MMD: variants seen among roughly 807,000 people sequenced by gnomAD.
MMD encodes monocyte to macrophage differentiation associated, also known as monocyte to macrophage differentiation factor.
Under a neutral mutation model 33.6 loss-of-function variants are expected in MMD, and 22 were observed. That is an observed-to-expected ratio of 0.66 (90% CI 0.47 to 0.94). The LOEUF is 0.94. Ranked by LOEUF, MMD falls within the 40% of genes least tolerant of loss-of-function variation. MMD has a pLI of 0.00. For missense variants in MMD, 242 were observed against 309.8 expected, an observed-to-expected ratio of 0.78 and a Z score of 1.64; for synonymous variants, 97 against 103.2, an observed-to-expected ratio of 0.94 and a Z score of 0.36.
At chr17:55,399,103 A>G (rs1426762348) in intron 6 of MMD, among the ~76,000 whole-genome samples, 1 of 152,076 alleles carries the variant, frequency 6.6e-6, no homozygotes, top group Non-Finnish European at 1.5e-5. Context: ...TCCTCCACCC[A>G]GGCTGCTGTT....
At chr17:55,398,801 G>A (rs1384557060) in intron 6 of MMD, among the ~76,000 whole-genome samples, 2 of 152,162 alleles carry the variant, frequency 1.3e-5, no homozygotes, top group African/African-American at 2.4e-5. Flanking sequence ...GGTCAGCTGA[G>A]TGCCTGGGAT....
chr17:55,413,195 T>C (rs115751798), intron 2 of MMD, among the ~76,000 whole-genome samples: 2,183 of 152,310 alleles, frequency 0.014, 53 homozygotes, highest in African/African-American at 0.05. Context: ...TGAACCATTG[T>C]ATTGTACCAA....
chr17:55,395,705 T>C (rs572652774), intron 6 of MMD, among the ~76,000 whole-genome samples: 1 of 152,332 alleles, frequency 6.6e-6, no homozygotes, highest in Non-Finnish European at 1.5e-5. Flanking sequence ...TGGACTGACA[T>C]TGGATTTCTT....
rs1907235823 is a variant in MMD, at chr17:55,399,227, TAC to T, written c.516+2240_516+2241del. 2.0e-5 allele frequency among the ~76,000 whole-genome samples: 3 copies of T among 146,370 alleles called. No homozygotes were observed. The East Asian group carries it at 5.8e-4, about 28-fold the overall frequency. On this transcript the variant is annotated intron_variant, in intron 6 of 6. Coordinates refer to ENST00000262065, the MANE Select transcript of MMD (RefSeq NM_012329.3). ...TCTTCCTTCAAGGATCACAGTCCTGTACTGTTTGGGTTCAGAGCCAAAAAAAC... is the reference window on the plus strand; with the variant it reads ...TCTTCCTTCAAGGATCACAGTCCTGTTGTTTGGGTTCAGAGCCAAAAAAAC...
At chr17:55,399,544 G>A (rs1907248043) in intron 6 of MMD, among the ~76,000 whole-genome samples, 1 of 152,082 alleles carries the variant, frequency 6.6e-6, no homozygotes, top group Non-Finnish European at 1.5e-5. Flanking sequence ...AAAGATGCTG[G>A]TGCTTCCCCC....
At chr17:55,404,588 G>A (rs74847512) in intron 4 of MMD, 1 of 984,838 alleles carries the variant, frequency 1.0e-6, no homozygotes, top group Non-Finnish European at 1.2e-6. Context: ...ACCCACAGTG[G>A]ATACCTAATA....
At chr17:55,403,065 G>A (rs1907407090) in intron 5 of MMD, among the ~76,000 whole-genome samples, 1 of 152,182 alleles carries the variant, frequency 6.6e-6, no homozygotes, top group African/African-American at 2.4e-5. Flanking sequence ...AATAAAAAGA[G>A]CAATGGAATC....
chr17:55,410,094 G>A (rs958650033), intron 3 of MMD, among the ~76,000 whole-genome samples: 7 of 152,136 alleles, frequency 4.6e-5, no homozygotes, highest in Non-Finnish European at 8.8e-5. Flanking sequence ...TGGAGTCAGA[G>A]GTCTTGGAAT....
intron 1 of MMD, among the ~76,000 whole-genome samples, chr17:55,417,445 T>C (rs1258973852): frequency 1.3e-5 from 2 of 152,106 alleles, no homozygotes; most frequent in African/African-American, 4.8e-5. Context: ...GTCTTCCTGC[T>C]TGACCCAGTA....
chr17:55,406,797 A>C (rs1907565943), intron 4 of MMD, among the ~76,000 whole-genome samples: 1 of 151,760 alleles, frequency 6.6e-6, no homozygotes, highest in African/African-American at 2.4e-5. Flanking sequence ...GAGGTGGGAG[A>C]ATCACTTGAA....
chr17:55,415,424 G>T (rs1173196396), intron 1 of MMD, among the ~76,000 whole-genome samples: 1 of 152,016 alleles, frequency 6.6e-6, no homozygotes, highest in Non-Finnish European at 1.5e-5. Flanking sequence ...GGGGGTTGGG[G>T]GTTGGTATTT....
chr17:55,400,927 A>G (rs1356770572), intron 6 of MMD, among the ~76,000 whole-genome samples: 1 of 152,230 alleles, frequency 6.6e-6, no homozygotes, highest in Non-Finnish European at 1.5e-5. Flanking sequence ...AAGAAAAAAA[A>G]AAGTGCTTGC....
In MMD at chr17:55,421,804, A is replaced by C; in HGVS notation, c.-109T>G. On this transcript the variant is annotated 5_prime_UTR_variant, in exon 1 of 7. Transcript: ENST00000262065. Reference sequence around the variant, plus strand: ...TGCTCCGGAGGCCGCCTGCGTGTCCAGCGGAACCCTTCGGCCGGGTAGGGT... The same window carrying C: ...TGCTCCGGAGGCCGCCTGCGTGTCCCGCGGAACCCTTCGGCCGGGTAGGGT... The C allele has an allele frequency of 7.8e-7, 1 of 1,278,924 alleles. No individual in the cohort carries two copies. Among genetic ancestry groups the C allele is most frequent in the South Asian group, 1.5e-5 (1 of 66,908 alleles). 79.2% of individuals were successfully genotyped at this position (1,278,924 alleles called of 1,614,324 possible).
chr17:55,404,254 C>G (rs1907456237), intron 4 of MMD, among the ~76,000 whole-genome samples: 1 of 151,936 alleles, frequency 6.6e-6, no homozygotes, highest in South Asian at 2.1e-4. Flanking sequence ...GCTCGGGAGG[C>G]TGAGGCAGGA....
At chr17:55,415,964 G>C (rs1907955196) in intron 1 of MMD, among the ~76,000 whole-genome samples, 1 of 152,170 alleles carries the variant, frequency 6.6e-6, no homozygotes, top group African/African-American at 2.4e-5. Context: ...TAAGAGACAA[G>C]AGTGTTGCTA....
chr17:55,415,271 G>T (rs532802450), intron 1 of MMD, among the ~76,000 whole-genome samples: 1 of 149,958 alleles, frequency 6.7e-6, no homozygotes, highest in African/African-American at 2.5e-5. Flanking sequence ...AGAAACAGAC[G>T]GACGTAAAAA....
In MMD at chr17:55,411,111, T is replaced by C; in HGVS notation, c.269+146A>G. ...TTCATCCAGTCCAAAGAACAAGTCC[T>C]GAATAATGGGATAGTATTCTAGTCT... On this transcript the variant is annotated intron_variant, in intron 3 of 6. Coordinates refer to ENST00000262065, the MANE Select transcript of MMD (RefSeq NM_012329.3). 7.7e-6 allele frequency: 7 copies of C among 907,516 alleles called. No individual in the cohort carries two copies. The South Asian group carries it at 1.4e-4, about 18-fold the overall frequency. 56.2% of individuals were successfully genotyped at this position (907,516 alleles called of 1,614,324 possible). A position where few individuals can be genotyped will look rare whatever the true frequency, so the allele number is the denominator to read the frequency against.
intron 5 of MMD, among the ~76,000 whole-genome samples, chr17:55,403,079 A>G (rs761069002): frequency 1.3e-5 from 2 of 152,206 alleles, no homozygotes; most frequent in Non-Finnish European, 2.9e-5. Context: ...TGGAATCAGA[A>G]CTTGGATGTT....
chr17:55,414,182 T>C lies in MMD; in HGVS notation c.77A>G (p.Tyr26Cys). ...TGTGTAACAGTTAGCAGCATGTTCA[T>C]AGCAAGTTGGCTTGTAGCGGCCATT... ...PANGRYKPTC[Y>C]EHAANCYTHA... The change falls in exon 2 of 7, where the codon TAT (tyrosine) becomes TGT (cysteine). Residue 26 changes from tyrosine to cysteine, a missense_variant. Physicochemically the swap from Tyr to Cys is radical, Grantham distance 194. Transcript: ENST00000262065. The C allele has an allele frequency of 6.2e-7, 1 of 1,613,958 alleles. No homozygotes were observed. The highest frequency in any genetic ancestry group is 1.3e-5 in the African/African-American group (1 of 75,044).
Sources: allele counts gnomAD v4.1 joint callset (sites outside exome capture counted in the v4.1 genomes callset), GRCh38; gene constraint gnomAD v4.1.1; transcripts MANE v1.5; gene names NCBI Gene and HGNC (gene_info 2026-07-23, HGNC 2026-07-21).